B3GNT4: variants seen among roughly 807,000 people sequenced by gnomAD.
B3GNT4 encodes the protein N-acetyllactosaminide beta-1,3-N-acetylglucosaminyltransferase 4.
B3GNT4 carries 2 observed loss-of-function variants against 2.7 expected under a neutral mutation model. The ratio of observed to expected loss-of-function variants is 0.73; its 90% CI spans 0.30 to 2.31. The LOEUF is 2.31. Among genes scored for constraint, B3GNT4 ranks in the 30% most tolerant of loss-of-function variants. The pLI is 0.12. For missense variants in B3GNT4, 708 were observed against 490.9 expected (o/e 1.44, Z -4.18); for synonymous variants, 280 against 203.4 (o/e 1.38, Z -3.20).
rs1953876572 is a variant in B3GNT4 at position 122,203,723 on chromosome 12, A to C, written c.-176A>C. The C allele has an allele frequency of 7.2e-6, 2 of 277,198 alleles. No individual in the cohort carries two copies. Among genetic ancestry groups the C allele is most frequent in the South Asian group, 2.5e-4 (2 of 7,862 alleles). 17.2% of individuals were successfully genotyped at this position (277,198 alleles called of 1,614,324 possible). On this transcript the variant is annotated 5_prime_UTR_variant, in exon 1 of 3. Coordinates refer to ENST00000324189, the MANE Select transcript of B3GNT4 (RefSeq NM_030765.4). ...AAGCCCCGCCCACTCCCGAGCCCCG[A>C]GAGCTCCGCGCACCTGGGCGCCATC... is the stretch of plus-strand genomic sequence containing the variant.
At position 122,207,507 on chromosome 12, in the gene B3GNT4, T is replaced by A; in HGVS notation, c.*119T>A. The A allele has an allele frequency of 1.1e-6, 1 of 925,992 alleles. No homozygotes were observed. The highest frequency in any genetic ancestry group is 1.6e-6 in the Non-Finnish European group (1 of 634,130). The allele number at this position is 925,992 out of a possible 1,614,324, so 57.4% of individuals were successfully genotyped here. On this transcript the variant is annotated 3_prime_UTR_variant, in exon 3 of 3. Coordinates refer to ENST00000324189, the MANE Select transcript of B3GNT4 (RefSeq NM_030765.4). The stretch of plus-strand genomic sequence containing the variant: ...CTTGGTTTTTTAACTCCTCTCACCC[T>A]GTTAGCTCTGATTAAAAACACTGCA...
chr12:122,208,698 C>T lies in B3GNT4; in HGVS notation c.*1310C>T, dbSNP rs1226919647. 2 of 939,666 alleles carry T rather than the reference C, an allele frequency of 2.1e-6. No individual in the cohort carries two copies. The highest frequency in any genetic ancestry group is 1.7e-6 in the Non-Finnish European group (1 of 601,112). 58.2% of individuals were successfully genotyped at this position (939,666 alleles called of 1,614,324 possible). Reference sequence around the variant, plus strand: ...CCCCTCTTGGGGTCACTTTCCTTGACCTCCCTGTCTTCTCTCTCTGCAAAG... The same window carrying T: ...CCCCTCTTGGGGTCACTTTCCTTGATCTCCCTGTCTTCTCTCTCTGCAAAG... On this transcript the variant is annotated 3_prime_UTR_variant, in exon 3 of 3. Coordinates refer to ENST00000324189, the MANE Select transcript of B3GNT4 (RefSeq NM_030765.4).
Position 122,207,330 on chromosome 12 carries a change from G to A in B3GNT4, c.1079G>A (p.Trp360Ter), listed in dbSNP as rs2136075928. 6.2e-7 allele frequency: 1 copy of A among 1,608,522 alleles called. No individual in the cohort carries two copies. Among genetic ancestry groups the A allele is most frequent in the Non-Finnish European group, 8.5e-7 (1 of 1,176,808 alleles). ...RLSPLEMWTM[W>*]ALVTDEGLKC... is the part of the protein sequence containing the mutation. ...AGCCCCCTCGAGATGTGGACCATGTGGGCACTGGTGACAGATGAGGGGCTC... is the reference window on the plus strand; with the variant it reads ...AGCCCCCTCGAGATGTGGACCATGTAGGCACTGGTGACAGATGAGGGGCTC... Residue 360 changes from tryptophan to a stop codon, truncating the protein, a stop_gained, in exon 3 of 3, where the codon TGG becomes TAG. Coordinates refer to ENST00000324189, the MANE Select transcript of B3GNT4 (RefSeq NM_030765.4). LOFTEE classifies it low-confidence loss of function (END_TRUNC).
At position 122,208,095 on chromosome 12, in the gene B3GNT4, G is replaced by C; in HGVS notation, c.*707G>C. 1.6e-6 allele frequency: 1 copy of C among 630,716 alleles called. No individual in the cohort carries two copies. Among genetic ancestry groups the C allele is most frequent in the Non-Finnish European group, 2.9e-6 (1 of 340,668 alleles). 39.1% of individuals were successfully genotyped at this position (630,716 alleles called of 1,614,324 possible). A position where few individuals can be genotyped will look rare whatever the true frequency, so the allele number is the denominator to read the frequency against. On this transcript the variant is annotated 3_prime_UTR_variant, in exon 3 of 3. Transcript: ENST00000324189. ...AGGACTCCTCTCTCTGACCCAGGTA[G>C]GCAAAATGCTTTGGGTGTGAGGTAA...
chr12:122,206,008 C>T, intron 2 of B3GNT4: 1 of 368,560 alleles, frequency 2.7e-6, no homozygotes, highest in Non-Finnish European at 4.8e-6. Context: ...TCATCAGGTG[C>T]TCGAGTTTCC....
rs1953889059 is a variant in B3GNT4, at chr12:122,204,524, C to T, written c.-95C>T. On this transcript the variant is annotated splice_region_variant and 5_prime_UTR_variant, in exon 2 of 3. Coordinates refer to ENST00000324189, the MANE Select transcript of B3GNT4 (RefSeq NM_030765.4). The stretch of plus-strand genomic sequence containing the variant: ...CCGCCCGGGCCTCTCGTCCACAGCC[C>T]GCGGTGCTCGCACACCTGAGACTCA... 3 of 1,085,768 alleles carry T rather than the reference C, an allele frequency of 2.8e-6. No individual in the cohort carries two copies. The highest frequency in any genetic ancestry group is 2.5e-5 in the East Asian group (1 of 39,640). The allele number at this position is 1,085,768 out of a possible 1,614,324, so 67.3% of individuals were successfully genotyped here.
At position 122,208,509 on chromosome 12, in the gene B3GNT4, G is replaced by C. The variant is rs779040136; in HGVS notation, c.*1121G>C. ...GTTTCTGCTTTCCGGGAGAGCTGGT[G>C]CACCTCTTCCACCTGCAGTTTCACC... On this transcript the variant is annotated 3_prime_UTR_variant, in exon 3 of 3. Transcript: ENST00000324189. The C allele has an allele frequency of 6.2e-7, 1 of 1,614,088 alleles. No homozygotes were observed. The highest frequency in any genetic ancestry group is 2.2e-5 in the East Asian group (1 of 44,886).
chr12:122,205,634 A>G (rs1953903547), intron 2 of B3GNT4: 1 of 152,446 alleles, frequency 6.6e-6, no homozygotes, highest in Non-Finnish European at 1.5e-5. Context: ...AGAAATCAGC[A>G]CTTAGAACGT....
rs1316827004 is a variant in B3GNT4 at position 122,208,314 on chromosome 12, T to C, written c.*926T>C. ...GGTGCACAGACAGTCATGCCAACCC[T>C]GGGCAGGGTGGCATCTGCCCCTGCT... On this transcript the variant is annotated 3_prime_UTR_variant, in exon 3 of 3. Transcript: ENST00000324189. 4.5e-6 allele frequency: 7 copies of C among 1,565,418 alleles called. No homozygotes were observed. Among genetic ancestry groups the C allele is most frequent in the Non-Finnish European group, 6.1e-6 (7 of 1,144,250 alleles).
Position 122,206,861 on chromosome 12 carries a change from G to A in B3GNT4, c.610G>A (p.Val204Met), listed in dbSNP as rs775048350. ...CAAGGAGCTGCACCTGCAGCGCTGG[G>A]TGGTGGCTGCCTGCCCCCAGGCCCA... Reference protein sequence around the residue: ...TLKELHLQRWVVAACPQAHFM... With the variant: ...TLKELHLQRWMVAACPQAHFM... Residue 204 changes from valine (V) to methionine (M), a missense_variant, in exon 3 of 3, where the codon GTG (valine) becomes ATG (methionine). Physicochemically the swap from Val to Met is conservative, Grantham distance 21. Coordinates refer to ENST00000324189, the MANE Select transcript of B3GNT4 (RefSeq NM_030765.4). 1.2e-6 allele frequency: 2 copies of A among 1,613,870 alleles called. No homozygotes were observed. Among genetic ancestry groups the A allele is most frequent in the South Asian group, 1.1e-5 (1 of 91,068 alleles).
Position 122,208,703 on chromosome 12 carries a change from C to T in B3GNT4, c.*1315C>T, listed in dbSNP as rs1314056976. On this transcript the variant is annotated 3_prime_UTR_variant, in exon 3 of 3. Transcript: ENST00000324189. ...CTTGGGGTCACTTTCCTTGACCTCCCTGTCTTCTCTCTCTGCAAAGAAACT... is the reference window on the plus strand; with the variant it reads ...CTTGGGGTCACTTTCCTTGACCTCCTTGTCTTCTCTCTCTGCAAAGAAACT... 1.1e-6 allele frequency: 1 copy of T among 891,702 alleles called. No homozygotes were observed. Among genetic ancestry groups the T allele is most frequent in the Non-Finnish European group, 1.8e-6 (1 of 557,772 alleles). 55.2% of individuals were successfully genotyped at this position (891,702 alleles called of 1,614,324 possible). A position where few individuals can be genotyped will look rare whatever the true frequency, so the allele number is the denominator to read the frequency against.
At position 122,207,134 on chromosome 12, in the gene B3GNT4, A is replaced by G. The variant is rs749195459; in HGVS notation, c.883A>G (p.Met295Val). The change falls in exon 3 of 3, where the codon ATG becomes GTG. Residue 295 changes from methionine to valine, a missense_variant. By Grantham distance (21) the Met-to-Val change is conservative. Transcript: ENST00000324189. Reference protein sequence around the residue: ...RATVRRLQAIMEDAELFPIDD... With the variant: ...RATVRRLQAIVEDAELFPIDD... ...CACAGTGCGGCGCCTCCAGGCTATC[A>G]TGGAAGATGCTGAACTCTTCCCCAT... is the stretch of plus-strand genomic sequence containing the variant. 8 of 1,614,134 alleles carry G rather than the reference A, an allele frequency of 5.0e-6. No individual in the cohort carries two copies. Among genetic ancestry groups the G allele is most frequent in the Admixed American group, 1.7e-5 (1 of 60,024 alleles).
In B3GNT4 at chr12:122,207,217, T is replaced by G; in HGVS notation, c.966T>G (p.His322Gln). The G allele has an allele frequency of 6.2e-7, 1 of 1,614,112 alleles. No individual in the cohort carries two copies. Among genetic ancestry groups the G allele is most frequent in the Non-Finnish European group, 8.5e-7 (1 of 1,180,022 alleles). ...LRRLGLSPMHHAGFKTFGIRR... is the reference protein window; with the variant it reads ...LRRLGLSPMHQAGFKTFGIRR... ...GGCTGGGGCTGAGCCCTATGCACCA[T>G]GCTGGCTTCAAGACATTTGGAATCC... is the stretch of plus-strand genomic sequence containing the variant. Residue 322 changes from histidine (H) to glutamine (Q), a missense_variant, in exon 3 of 3, where the codon CAT (histidine) becomes CAG (glutamine). Physicochemically the swap from His to Gln is conservative, Grantham distance 24. Coordinates refer to ENST00000324189, the MANE Select transcript of B3GNT4 (RefSeq NM_030765.4).
chr12:122,204,418 G>T (rs12822531), intron 1 of B3GNT4, 104 bp from the exon 2 acceptor site: 1 of 545,730 alleles, frequency 1.8e-6, no homozygotes. Context: ...CACCCGGGCC[G>T]CGGCGCAGCC....
chr12:122,206,295 C>A, intron 2 of B3GNT4, 23 bp from the exon 3 acceptor site: 1 of 1,526,944 alleles, frequency 6.5e-7, no homozygotes, highest in Non-Finnish European at 8.8e-7. Context: ...CTGGGCCCTG[C>A]TCAGGTGGCT....
In B3GNT4 at chr12:122,206,927, C is replaced by G. The variant is rs761527942; in HGVS notation, c.676C>G (p.Pro226Ala). 17 of 1,613,972 alleles carry G rather than the reference C, an allele frequency of 1.1e-5. No homozygotes were observed. The highest frequency in any genetic ancestry group is 1.4e-5 in the Non-Finnish European group (17 of 1,180,036). The change falls in exon 3 of 3, where the codon CCC becomes GCC. Residue 226 changes from proline to alanine, a missense_variant. Transcript: ENST00000324189. The stretch of plus-strand genomic sequence containing the variant: ...AGATGACGATGTCTTTGTCCACGTC[C>G]CCAACGTGTTAGAGTTCCTGGATGG... ...KGDDDVFVHV[P>A]NVLEFLDGWD...
At chr12:122,205,345 C>G (rs1177213251) in intron 2 of B3GNT4, 2 of 152,454 alleles carry the variant, frequency 1.3e-5, no homozygotes, top group Non-Finnish European at 2.9e-5. Context: ...GTGCTCCCCT[C>G]TGAGAGGGCA....
Position 122,206,316 on chromosome 12 carries a change from A to G in B3GNT4, c.67-2A>G, listed in dbSNP as rs373997186. 3.2e-5 allele frequency: 50 copies of G among 1,550,442 alleles called. No homozygotes were observed. The highest frequency in any genetic ancestry group is 3.8e-5 in the Non-Finnish European group (44 of 1,148,564). The stretch of plus-strand genomic sequence containing the variant: ...CCTGCTCAGGTGGCTCTCTCCTTGC[A>G]GGGACCGGCGATGCTCTGCAGGCTG... On this transcript the variant is annotated splice_acceptor_variant, in intron 2 of 2. Transcript: ENST00000324189. LOFTEE classifies it high-confidence loss of function.
rs1399707737 is a variant in B3GNT4 at position 122,208,551 on chromosome 12, T to C, written c.*1163T>C. 1.9e-6 allele frequency: 3 copies of C among 1,613,624 alleles called. No homozygotes were observed. Among genetic ancestry groups the C allele is most frequent in the Non-Finnish European group, 2.5e-6 (3 of 1,180,046 alleles). On this transcript the variant is annotated 3_prime_UTR_variant, in exon 3 of 3. Transcript: ENST00000324189. ...AGTTTCACCAGCTGAATGTGATTCC[T>C]GGCGGTTATAGAGGCCTGATCTGCG...
Sources: allele counts gnomAD v4.1 joint callset, GRCh38; gene constraint gnomAD v4.1.1; transcripts MANE v1.5; gene names NCBI Gene and HGNC (gene_info 2026-07-23, HGNC 2026-07-21).